The following CSMD1 variants were observed in gnomAD, a reference collection of about 807,000 sequenced individuals.
CSMD1 encodes CUB and Sushi multiple domains 1, also known as CUB and sushi domain-containing protein 1.
Under a neutral mutation model 417.5 loss-of-function variants are expected in CSMD1, and 213 were observed. That is an observed-to-expected ratio of 0.51 (90% CI 0.46 to 0.57). CSMD1 has a LOEUF of 0.57. CSMD1 is among the 20% of genes least tolerant of loss of function. The pLI is 0.00. For missense variants in CSMD1, 6,923 were observed against 4,529.7 expected (o/e 1.53, Z -15.17); for synonymous variants, 2,862 against 1,736.8 (o/e 1.65, Z -16.11).
chr8:4,089,806 G>C (rs537246275), intron 3 of CSMD1, among the ~76,000 whole-genome samples: 19 of 152,234 alleles, frequency 1.2e-4, no homozygotes, highest in African/African-American at 4.3e-4. Flanking sequence ...TACCGAGTGT[G>C]TTTGGTCTTG....
chr8:4,722,581 T>C (rs1397050272), intron 1 of CSMD1, among the ~76,000 whole-genome samples: 1 of 152,126 alleles, frequency 6.6e-6, no homozygotes, highest in African/African-American at 2.4e-5. Context: ...GGAATGTCTG[T>C]GTTCCTTCTT....
At chr8:4,634,536 G>C (rs1384021499) in intron 2 of CSMD1, among the ~76,000 whole-genome samples, 1 of 152,120 alleles carries the variant, frequency 6.6e-6, no homozygotes, top group African/African-American at 2.4e-5. Flanking sequence ...AACACACCAA[G>C]ACAGCTCTAA....
intron 4 of CSMD1, among the ~76,000 whole-genome samples, chr8:3,999,623 G>C (rs1335137886): frequency 6.6e-6 from 1 of 152,182 alleles, no homozygotes; most frequent in Non-Finnish European, 1.5e-5. Context: ...TGTTCCCGGA[G>C]TTTGGAGTAT....
chr8:4,123,218 A>G (rs1448102180), intron 3 of CSMD1, among the ~76,000 whole-genome samples: 1 of 152,242 alleles, frequency 6.6e-6, no homozygotes, highest in Non-Finnish European at 1.5e-5. Flanking sequence ...CTTAGAGCCA[A>G]GTTCACAGTT....
chr8:3,877,815 T>A (rs901619363), intron 5 of CSMD1, among the ~76,000 whole-genome samples: 15 of 152,216 alleles, frequency 9.9e-5, no homozygotes, highest in Admixed American at 1.3e-4. Flanking sequence ...TCATGGAGAT[T>A]GTATATTTAT....
intron 10 of CSMD1, among the ~76,000 whole-genome samples, chr8:3,571,707 G>C (rs184054638): frequency 2.6e-5 from 4 of 152,076 alleles, no homozygotes; most frequent in East Asian, 3.9e-4. Context: ...TGAGGGTCTT[G>C]TGTTCCTCCG....
chr8:4,788,021 A>G, intron 1 of CSMD1: 6 of 1,590,236 alleles, frequency 3.8e-6, no homozygotes, highest in Non-Finnish European at 5.2e-6. Flanking sequence ...TCAAAGAAGT[A>G]ACTCCTGAAG....
In CSMD1 at chr8:3,565,131, C is replaced by CAAAAAAAAAAAAAAAAAAAAA. The variant is rs869248314; in HGVS notation, c.1344+9793_1344+9813dup. Among the ~76,000 whole-genome samples the CAAAAAAAAAAAAAAAAAAAAA allele has an allele frequency of 1.9e-4, 2 of 10,448 alleles. 1 individual carries two copies. Among genetic ancestry groups the CAAAAAAAAAAAAAAAAAAAAA allele is most frequent in the East Asian group, 6.4e-3 (2 of 312 alleles). The allele number at this position is 10,448 out of a possible 152,430, so 6.9% of individuals were successfully genotyped here. On this transcript the variant is annotated intron_variant, in intron 10 of 69. Coordinates refer to ENST00000635120, the MANE Select transcript of CSMD1 (RefSeq NM_033225.6). ...TACTTAACTCTGTAGTGCAAGACAG[C>CAAAAAAAAAAAAAAAAAAAAA]AAAAAAAAAAAAAAAAAAAAAAAAA...
At chr8:3,468,309 T>C (rs1165401653) in intron 12 of CSMD1, among the ~76,000 whole-genome samples, 2 of 152,206 alleles carry the variant, frequency 1.3e-5, no homozygotes, top group Non-Finnish European at 2.9e-5. Flanking sequence ...ATATTTGAAT[T>C]TGGCTCATAA....
chr8:3,553,563 T>C (rs1480621536), intron 10 of CSMD1, among the ~76,000 whole-genome samples: 1 of 152,200 alleles, frequency 6.6e-6, no homozygotes, highest in Admixed American at 6.5e-5. Flanking sequence ...TATCCAACAA[T>C]TACAGCTCTA....
chr8:3,137,104 G>T (rs1818147368), intron 41 of CSMD1, among the ~76,000 whole-genome samples: 1 of 151,910 alleles, frequency 6.6e-6, no homozygotes, highest in Non-Finnish European at 1.5e-5. Flanking sequence ...CTTTGTGGGG[G>T]GAATGTTCAA....
At chr8:4,081,451 C>A (rs966312817) in intron 3 of CSMD1, among the ~76,000 whole-genome samples, 12 of 152,090 alleles carry the variant, frequency 7.9e-5, no homozygotes, top group African/African-American at 2.9e-4. Flanking sequence ...CTGGGGACTC[C>A]AGCCACGGTG....
intron 2 of CSMD1, among the ~76,000 whole-genome samples, chr8:4,630,653 C>T (rs1325657451): frequency 6.6e-6 from 1 of 152,132 alleles, no homozygotes; most frequent in Non-Finnish European, 1.5e-5. Flanking sequence ...GACAAAATCA[C>T]CTAATTATGG....
intron 1 of CSMD1, among the ~76,000 whole-genome samples, chr8:4,898,005 G>A (rs1320209543): frequency 6.6e-6 from 1 of 151,968 alleles, no homozygotes; most frequent in Non-Finnish European, 1.5e-5. Flanking sequence ...GCTCTGTACT[G>A]GAAAAACAGA....
chr8:4,502,561 T>C (rs1365360996), intron 2 of CSMD1, among the ~76,000 whole-genome samples: 3 of 152,136 alleles, frequency 2.0e-5, no homozygotes, highest in Non-Finnish European at 4.4e-5. Flanking sequence ...TTATGTTATT[T>C]CAGACAAAAA....
At chr8:4,127,474 A>G (rs1055988712) in intron 3 of CSMD1, among the ~76,000 whole-genome samples, 50 of 114,344 alleles carry the variant, frequency 4.4e-4, no homozygotes, top group African/African-American at 1.2e-3. Flanking sequence ...AAAAAAAAAA[A>G]AAAAAGAAAA....
chr8:4,616,992 A>C (rs1228920261), intron 2 of CSMD1, among the ~76,000 whole-genome samples: 1 of 152,030 alleles, frequency 6.6e-6, no homozygotes, highest in East Asian at 1.9e-4. Context: ...TAGATTCCTT[A>C]ATATTCCATA....
chr8:4,820,683 T>C (rs996326055), intron 1 of CSMD1, among the ~76,000 whole-genome samples: 3 of 152,196 alleles, frequency 2.0e-5, no homozygotes, highest in Non-Finnish European at 2.9e-5. Flanking sequence ...CAAATGGCTG[T>C]ATCATTTCCT....
chr8:3,660,133 T>C (rs1798334942), intron 7 of CSMD1, among the ~76,000 whole-genome samples: 1 of 152,224 alleles, frequency 6.6e-6, no homozygotes, highest in African/African-American at 2.4e-5. Flanking sequence ...CAAAATACTT[T>C]CAACTACATT....
Sources: allele counts gnomAD v4.1 joint callset (sites outside exome capture counted in the v4.1 genomes callset), GRCh38; gene constraint gnomAD v4.1.1; transcripts MANE v1.5; gene names NCBI Gene and HGNC (gene_info 2026-07-23, HGNC 2026-07-21).